MFSD6: variants seen among roughly 807,000 people sequenced by gnomAD.
MFSD6 encodes the protein major facilitator superfamily domain-containing protein 6.
MFSD6 carries 26 observed loss-of-function variants against 56.3 expected under a neutral mutation model. The observed-to-expected ratio is 0.46, with a 90% CI of 0.34 to 0.64. The LOEUF (loss-of-function observed/expected upper bound fraction) is 0.64. MFSD6 is among the 30% of genes least tolerant of loss of function. The pLI is 0.01. For missense variants in MFSD6, 750 were observed against 986.2 expected (o/e 0.76, Z 3.21); for synonymous variants, 331 against 366.9 (o/e 0.90, Z 1.12).
rs1211596977 is a variant in MFSD6 at position 190,416,739 on chromosome 2, CA to C, written c.-54+1327del. Among the ~76,000 whole-genome samples, 1 of 152,124 alleles carries C rather than the reference CA, an allele frequency of 6.6e-6. No homozygotes were observed. The highest frequency in any genetic ancestry group is 6.6e-5 in the Admixed American group (1 of 15,264). ...TGTTCATATGTTGCTTTTAGATTAACAGAATGCTTTCTCATACTTTATTTCA... is the reference window on the plus strand; with the variant it reads ...TGTTCATATGTTGCTTTTAGATTAACGAATGCTTTCTCATACTTTATTTCA... On this transcript the variant is annotated intron_variant, in intron 2 of 7. Coordinates refer to ENST00000392328, the MANE Select transcript of MFSD6 (RefSeq NM_017694.4). The surrounding 1 kb of genome is among the most constrained non-coding windows in gnomAD (Gnocchi z 4.1).
Position 190,431,723 on chromosome 2 carries a change from A to AGGGAGG in MFSD6, c.-53-4252_-53-4247dup, listed in dbSNP as rs1226227454. Among the ~76,000 whole-genome samples, 3 of 152,064 alleles carry AGGGAGG rather than the reference A, an allele frequency of 2.0e-5. No homozygotes were observed. Among genetic ancestry groups the AGGGAGG allele is most frequent in the African/African-American group, 7.2e-5 (3 of 41,518 alleles). ...AGAGGGAGAGGGAGACTGTGGGGAG[A>AGGGAGG]GGGAGGGAGAGGGAGAGGGAGAGGG... is the stretch of plus-strand genomic sequence containing the variant. On this transcript the variant is annotated intron_variant, in intron 2 of 7. Transcript: ENST00000392328. This position sits in a 1 kb window ranked among gnomAD's most constrained non-coding sequence, Gnocchi z 4.4.
In MFSD6 at chr2:190,498,761, A is replaced by G. The variant is rs1352383757; in HGVS notation, c.2172+1042A>G. ...TTTAATATCTGCTGCTTGAGTAGCA[A>G]TATTTTCATTACTTTGTGTACTCAT... On this transcript the variant is annotated intron_variant, in intron 7 of 7. Transcript: ENST00000392328. The surrounding 1 kb of genome is among the most constrained non-coding windows in gnomAD (Gnocchi z 5.9). Among the ~76,000 whole-genome samples, 2 of 152,164 alleles carry G rather than the reference A, an allele frequency of 1.3e-5. No individual in the cohort carries two copies. Among genetic ancestry groups the G allele is most frequent in the African/African-American group, 4.8e-5 (2 of 41,428 alleles).
In MFSD6 at chr2:190,437,502, G is replaced by T; in HGVS notation, c.1473G>T (p.Val491=). 6.2e-7 allele frequency: 1 copy of T among 1,614,210 alleles called. No homozygotes were observed. Among genetic ancestry groups the T allele is most frequent in the Non-Finnish European group, 8.5e-7 (1 of 1,180,032 alleles). ...GGGTCTGTTCAGTCCTGAGTCATGTGTCTGAGCTGACAGCATATTTTTTTA... is the reference window on the plus strand; with the variant it reads ...GGGTCTGTTCAGTCCTGAGTCATGTTTCTGAGCTGACAGCATATTTTTTTA... ...LFGVCSVLSH[V]SELTAYFFSH... is the part of the protein sequence containing the mutation. The change falls in exon 3 of 8, where the codon GTG becomes GTT. Residue 491 remains valine, a synonymous_variant. Transcript: ENST00000392328. The surrounding 1 kb of genome is among the most constrained non-coding windows in gnomAD (Gnocchi z 5.9).
chr2:190,447,089 T>TA lies in MFSD6; in HGVS notation c.1532+9539dup, dbSNP rs372677069. On this transcript the variant is annotated intron_variant, in intron 3 of 7. Transcript: ENST00000392328. This position sits in a 1 kb window ranked among gnomAD's most constrained non-coding sequence, Gnocchi z 4.5. ...GTCTCTCTCTGATTCATAGGCTCAG[T>TA]AAAAAAAAAAACTTGAAAGGATGTC... Among the ~76,000 whole-genome samples the TA allele has an allele frequency of 1.9e-3, 258 of 135,814 alleles. No individual in the cohort carries two copies. The highest frequency in any genetic ancestry group is 4.2e-3 in the Admixed American group (59 of 14,000). 89.1% of individuals were successfully genotyped at this position (135,814 alleles called of 152,430 possible).
At position 190,490,257 on chromosome 2, in the gene MFSD6, A is replaced by G. The variant is rs112243301; in HGVS notation, c.1891+391A>G. Among the ~76,000 whole-genome samples the G allele has an allele frequency of 0.018, 2,581 of 141,522 alleles. 27 individuals carry two copies. Among genetic ancestry groups the G allele is most frequent in the South Asian group, 0.033 (139 of 4,234 alleles). The allele number at this position is 141,522 out of a possible 152,430, so 92.8% of individuals were successfully genotyped here. A position where few individuals can be genotyped will look rare whatever the true frequency, so the allele number is the denominator to read the frequency against. Reference sequence around the variant, plus strand: ...GTAATCTTCTCTATGACTTACCTTCATTTGTTAAAAAAAAAAAAAACAATG... The same window carrying G: ...GTAATCTTCTCTATGACTTACCTTCGTTTGTTAAAAAAAAAAAAAACAATG... On this transcript the variant is annotated intron_variant, in intron 6 of 7. Transcript: ENST00000392328. The surrounding 1 kb of genome is among the most constrained non-coding windows in gnomAD (Gnocchi z 4.5).
chr2:190,413,740 CTTGT>C lies in MFSD6; in HGVS notation c.-175-1550_-175-1547del, dbSNP rs1690663509. ...GTCTGTGTTGGTTATGTAGAGAGACCTTGTTCCACAGGCAGGTGCACTCCACTCT... is the reference window on the plus strand; with the variant it reads ...GTCTGTGTTGGTTATGTAGAGAGACCTCCACAGGCAGGTGCACTCCACTCT... On this transcript the variant is annotated intron_variant, in intron 1 of 7. Transcript: ENST00000392328. The surrounding 1 kb of genome is among the most constrained non-coding windows in gnomAD (Gnocchi z 4.1). Among the ~76,000 whole-genome samples, 1 of 152,150 alleles carries C rather than the reference CTTGT, an allele frequency of 6.6e-6. No homozygotes were observed. The highest frequency in any genetic ancestry group is 1.5e-5 in the Non-Finnish European group (1 of 68,024).
In MFSD6 at chr2:190,498,419, G is replaced by A. The variant is rs1689831211; in HGVS notation, c.2172+700G>A. Among the ~76,000 whole-genome samples the A allele has an allele frequency of 6.6e-6, 1 of 151,988 alleles. No individual in the cohort carries two copies. The highest frequency in any genetic ancestry group is 2.1e-4 in the South Asian group (1 of 4,818). Reference sequence around the variant, plus strand: ...CAGCTTTGTCTGGAGTAGCTTCAGAGGACACATAAAAATAAAGGGGAAAGA... The same window carrying A: ...CAGCTTTGTCTGGAGTAGCTTCAGAAGACACATAAAAATAAAGGGGAAAGA... On this transcript the variant is annotated intron_variant, in intron 7 of 7. Coordinates refer to ENST00000392328, the MANE Select transcript of MFSD6 (RefSeq NM_017694.4). This position sits in a 1 kb window ranked among gnomAD's most constrained non-coding sequence, Gnocchi z 5.9.
intron 2 of MFSD6, among the ~76,000 whole-genome samples, chr2:190,429,704 C>A (rs1170404984): frequency 6.6e-6 from 1 of 152,100 alleles, no homozygotes; most frequent in African/African-American, 2.4e-5. Flanking sequence ...ATTTTCCTAT[C>A]TATAAATCTT....
At chr2:190,421,894 TAGATAATATCTAGTGTC>T (rs1157695901) in intron 2 of MFSD6, among the ~76,000 whole-genome samples, 2 of 152,174 alleles carry the variant, frequency 1.3e-5, no homozygotes, top group African/African-American at 4.8e-5. Flanking sequence ...TTAAAGACAC[TAGATAATATCTAGTGTC>T]TTCCCACTAT....
In MFSD6 at chr2:190,500,301, C is replaced by A; in HGVS notation, c.*83C>A. The A allele has an allele frequency of 6.8e-7, 1 of 1,464,416 alleles. No homozygotes were observed. The highest frequency in any genetic ancestry group is 9.4e-7 in the Non-Finnish European group (1 of 1,059,532). The allele number at this position is 1,464,416 out of a possible 1,614,324, so 90.7% of individuals were successfully genotyped here. ...GGTGAGGCCCCCCAGCCAGGATATG[C>A]CTCCCCTGGAGGAGCACAGCACTGC... On this transcript the variant is annotated 3_prime_UTR_variant, in exon 8 of 8. Transcript: ENST00000392328. The surrounding 1 kb of genome is among the most constrained non-coding windows in gnomAD (Gnocchi z 5.3).
At chr2:190,473,133 T>TG (rs1206071743) in intron 4 of MFSD6, among the ~76,000 whole-genome samples, 1 of 151,804 alleles carries the variant, frequency 6.6e-6, no homozygotes, top group African/African-American at 2.4e-5. Flanking sequence ...TGCAAAAACA[T>TG]GCCAAATTGT....
intron 6 of MFSD6, among the ~76,000 whole-genome samples, chr2:190,493,568 G>A (rs1489864399): frequency 6.6e-6 from 1 of 151,948 alleles, no homozygotes; most frequent in Non-Finnish European, 1.5e-5. Flanking sequence ...CCCAACAACT[G>A]CAGAATATTC....
At chr2:190,480,670 TGG>T (rs1688610614) in intron 4 of MFSD6, among the ~76,000 whole-genome samples, 1 of 152,210 alleles carries the variant, frequency 6.6e-6, no homozygotes, top group African/African-American at 2.4e-5. Flanking sequence ...TTAGACTATC[TGG>T]GTTTGAATTC....
At position 190,453,985 on chromosome 2, in the gene MFSD6, T is replaced by C. The variant is rs564064986; in HGVS notation, c.1533-15773T>C. The C allele has an allele frequency of 6.6e-5, 10 of 152,364 alleles. No homozygotes were observed. In the South Asian group the frequency reaches 1.9e-3, roughly 28 times the overall value. The allele number at this position is 152,364 out of a possible 1,614,324, so 9.4% of individuals were successfully genotyped here. A position where few individuals can be genotyped will look rare whatever the true frequency, so the allele number is the denominator to read the frequency against. On this transcript the variant is annotated intron_variant, in intron 3 of 7. Coordinates refer to ENST00000392328, the MANE Select transcript of MFSD6 (RefSeq NM_017694.4). Reference sequence around the variant, plus strand: ...ATATATTTCACAGAGAAGATTCTTGTATCTTTTATAGGGAAAATGTTTATG... The same window carrying C: ...ATATATTTCACAGAGAAGATTCTTGCATCTTTTATAGGGAAAATGTTTATG...
Position 190,434,532 on chromosome 2 carries a change from T to C in MFSD6, c.-53-1445T>C, listed in dbSNP as rs1292868709. On this transcript the variant is annotated intron_variant, in intron 2 of 7. Transcript: ENST00000392328. The surrounding 1 kb of genome is among the most constrained non-coding windows in gnomAD (Gnocchi z 4.3). ...CTCACTGCAACCTCCGCCTCCTGGG[T>C]TCGAGCAATTTGCCTGCCTCAGCTT... Among the ~76,000 whole-genome samples the C allele has an allele frequency of 6.6e-6, 1 of 152,242 alleles. No individual in the cohort carries two copies. The highest frequency in any genetic ancestry group is 1.9e-4 in the East Asian group (1 of 5,182).
intron 2 of MFSD6, chr2:190,435,264 T>A (rs370529127): frequency 6.6e-6 from 1 of 152,246 alleles, no homozygotes; most frequent in East Asian, 1.9e-4. Context: ...ATAGGGCTAT[T>A]GTGATGAATA....
At position 190,501,808 on chromosome 2, in the gene MFSD6, CGTACT is replaced by C. The variant is rs1465693294; in HGVS notation, c.*1599_*1603del. The C allele has an allele frequency of 5.9e-5, 9 of 152,578 alleles. No homozygotes were observed. The highest frequency in any genetic ancestry group is 1.0e-4 in the Non-Finnish European group (7 of 68,032). 9.5% of individuals were successfully genotyped at this position (152,578 alleles called of 1,614,324 possible). A position where few individuals can be genotyped will look rare whatever the true frequency, so the allele number is the denominator to read the frequency against. ...GTTATTTTTTGCACTTGAACTGAAA[CGTACT>C]GTACTGTAAATTATGACTCATTTTA... is the stretch of plus-strand genomic sequence containing the variant. On this transcript the variant is annotated 3_prime_UTR_variant, in exon 8 of 8. Coordinates refer to ENST00000392328, the MANE Select transcript of MFSD6 (RefSeq NM_017694.4).
intron 4 of MFSD6, chr2:190,477,512 T>C (rs1688407572): frequency 8.1e-6 from 2 of 245,628 alleles, no homozygotes; most frequent in Non-Finnish European, 1.3e-5. Flanking sequence ...AGAACATCCA[T>C]GAAACGGTTA....
At position 190,433,699 on chromosome 2, in the gene MFSD6, A is replaced by G. The variant is rs1020684721; in HGVS notation, c.-53-2278A>G. Among the ~76,000 whole-genome samples the G allele has an allele frequency of 4.6e-5, 7 of 152,186 alleles. No individual in the cohort carries two copies. Among genetic ancestry groups the G allele is most frequent in the African/African-American group, 1.2e-4 (5 of 41,438 alleles). On this transcript the variant is annotated intron_variant, in intron 2 of 7. Transcript: ENST00000392328. This position sits in a 1 kb window ranked among gnomAD's most constrained non-coding sequence, Gnocchi z 4.5. ...CTACATTGACATCTGGCTTTTGGGG[A>G]TAACAGATAAATTGACTCCTTACAC...
Sources: gnomAD v4.1 joint callset for allele counts (sites outside exome capture counted in the v4.1 genomes callset) on GRCh38, gnomAD v4.1.1 for gene constraint, Gnocchi (gnomAD v3.1) non-coding constraint, MANE v1.5 for transcripts, NCBI Gene and HGNC (gene_info 2026-07-23, HGNC 2026-07-21) for gene names.